The following KCNH5 variants were observed in gnomAD, a reference collection of about 807,000 sequenced individuals.
KCNH5 encodes the protein voltage-gated delayed rectifier potassium channel KCNH5.
A neutral mutation model predicts 96.1 loss-of-function variants in KCNH5; 46 were observed. The observed-to-expected ratio is 0.48, with a 90% CI of 0.38 to 0.61. The LOEUF (loss-of-function observed/expected upper bound fraction) is 0.61. Among genes scored for constraint, KCNH5 ranks in the 20% least tolerant of loss-of-function variants. The pLI is 0.00. For synonymous variants in KCNH5, 439 were observed against 449.8 expected (o/e 0.98, Z 0.30); for missense variants, 907 against 1,225.8 (o/e 0.74, Z 3.88).
intron 10 of KCNH5, among the ~76,000 whole-genome samples, chr14:62,730,860 A>G (rs66645197): frequency 0.12 from 18,997 of 152,232 alleles, 1,938 homozygotes; most frequent in East Asian, 0.29. Flanking sequence ...GTATTTAACT[A>G]CATTCCAAAC....
At chr14:62,824,654 T>C (rs747676858) in intron 8 of KCNH5, among the ~76,000 whole-genome samples, 1 of 152,136 alleles carries the variant, frequency 6.6e-6, no homozygotes, top group Non-Finnish European at 1.5e-5. Context: ...GGGGTACACA[T>C]GCTGTTTTAT....
At chr14:62,790,103 A>C (rs1398010015) in intron 9 of KCNH5, among the ~76,000 whole-genome samples, 3 of 147,318 alleles carry the variant, frequency 2.0e-5, no homozygotes, top group Non-Finnish European at 4.5e-5. Context: ...TAAGGTCCTA[A>C]TTTTATCCTT....
At chr14:62,773,399 C>T (rs1322885648) in intron 10 of KCNH5, among the ~76,000 whole-genome samples, 2 of 152,326 alleles carry the variant, frequency 1.3e-5, no homozygotes, top group East Asian at 3.9e-4. Flanking sequence ...GAATTCATCT[C>T]CTTTATGCCG....
At chr14:62,754,549 T>C (rs1251926214) in intron 10 of KCNH5, among the ~76,000 whole-genome samples, 1 of 151,104 alleles carries the variant, frequency 6.6e-6, no homozygotes, top group Non-Finnish European at 1.5e-5. Context: ...AAATAAGGGA[T>C]AGAAAATGGT....
At position 62,910,941 on chromosome 14, in the gene KCNH5, A is replaced by ACC. The variant is rs1555363115; in HGVS notation, c.1369+39190_1369+39191dup. Among the ~76,000 whole-genome samples, 642 of 140,828 alleles carry ACC rather than the reference A, an allele frequency of 4.6e-3. 6 individuals are homozygous for ACC. The highest frequency in any genetic ancestry group is 7.3e-3 in the South Asian group (31 of 4,238). 92.4% of individuals were successfully genotyped at this position (140,828 alleles called of 152,430 possible). On this transcript the variant is annotated intron_variant, in intron 7 of 10. Coordinates refer to ENST00000322893, the MANE Select transcript of KCNH5 (RefSeq NM_139318.5). ...CACACACACACACACACACACACACACCCCTCTGTTGTTCTGTCATCCTAT... is the reference window on the plus strand; with the variant it reads ...CACACACACACACACACACACACACACCCCCCTCTGTTGTTCTGTCATCCTAT...
At chr14:63,007,942 C>T (rs1891156744) in intron 2 of KCNH5, among the ~76,000 whole-genome samples, 1 of 152,128 alleles carries the variant, frequency 6.6e-6, no homozygotes, top group Admixed American at 6.5e-5. Context: ...ATCTAAATAA[C>T]AAAACTTGCC....
At chr14:62,981,637 C>T (rs1594657987) in intron 5 of KCNH5, among the ~76,000 whole-genome samples, 2 of 152,218 alleles carry the variant, frequency 1.3e-5, no homozygotes, top group Admixed American at 1.3e-4. Context: ...TCTTCATACA[C>T]ATTTAGCACC....
At chr14:63,016,799 A>C in intron 2 of KCNH5, 32 bp downstream of exon 2, 1 of 1,592,644 alleles carries the variant, frequency 6.3e-7, no homozygotes, top group South Asian at 1.1e-5. Context: ...GTTAAATTTC[A>C]GAAAAGATTA....
rs554051516 is a variant in KCNH5 at position 62,767,554 on chromosome 14, A to G, written c.2019+12174T>C. 5.9e-5 allele frequency among the ~76,000 whole-genome samples: 9 copies of G among 152,344 alleles called. No individual in the cohort carries two copies. The South Asian group carries it at 6.2e-4, about 11-fold the overall frequency. ...AGATACAGCAGGAGGCTATTGCCCT[A>G]AGTGAATTAACGCAGAAACAGAAAA... On this transcript the variant is annotated intron_variant, in intron 10 of 10. Coordinates refer to ENST00000322893, the MANE Select transcript of KCNH5 (RefSeq NM_139318.5).
chr14:62,735,101 A>T (rs1595599273), intron 10 of KCNH5, among the ~76,000 whole-genome samples: 1 of 152,172 alleles, frequency 6.6e-6, no homozygotes, highest in Admixed American at 6.5e-5. Context: ...GTTAGAGCTG[A>T]TGTACAATCC....
At chr14:62,753,928 T>C (rs1885560809) in intron 10 of KCNH5, among the ~76,000 whole-genome samples, 1 of 152,140 alleles carries the variant, frequency 6.6e-6, no homozygotes, top group Admixed American at 6.5e-5. Flanking sequence ...TAATAGTAAG[T>C]ACACAGAAAA....
intron 6 of KCNH5, among the ~76,000 whole-genome samples, chr14:62,979,920 C>T (rs1188243054): frequency 6.6e-6 from 1 of 152,138 alleles, no homozygotes; most frequent in Non-Finnish European, 1.5e-5. Flanking sequence ...CTCTGTGTCC[C>T]CACCCAAATC....
chr14:62,843,372 C>T (rs999469208), intron 8 of KCNH5, among the ~76,000 whole-genome samples: 1 of 143,322 alleles, frequency 7.0e-6, no homozygotes, highest in Non-Finnish European at 1.5e-5. Context: ...ACCAATTCAG[C>T]TTTATTTTAT....
intron 7 of KCNH5, among the ~76,000 whole-genome samples, chr14:62,875,982 G>C (rs1341768673): frequency 1.3e-5 from 2 of 152,138 alleles, no homozygotes; most frequent in Non-Finnish European, 2.9e-5. Context: ...GCCTGGCCAA[G>C]ATAGTGAAAC....
chr14:62,723,969 T>C (rs1334997192), intron 10 of KCNH5, among the ~76,000 whole-genome samples: 3 of 152,202 alleles, frequency 2.0e-5, no homozygotes, highest in South Asian at 2.1e-4. Context: ...TAACTTTCCA[T>C]AGAAGAAAAT....
At chr14:63,027,138 A>C (rs1891537704) in intron 1 of KCNH5, among the ~76,000 whole-genome samples, 1 of 139,130 alleles carries the variant, frequency 7.2e-6, no homozygotes, top group South Asian at 2.2e-4. Context: ...TGTGCAATGT[A>C]AAAAAAGTCA....
chr14:62,837,537 T>A (rs4899095), intron 8 of KCNH5, among the ~76,000 whole-genome samples: 19 of 152,276 alleles, frequency 1.2e-4, no homozygotes, highest in Non-Finnish European at 2.5e-4. Context: ...TTTTATTACA[T>A]AGTAAATAAG....
At chr14:62,974,349 C>T (rs1031730108) in intron 6 of KCNH5, among the ~76,000 whole-genome samples, 1 of 152,118 alleles carries the variant, frequency 6.6e-6, no homozygotes, top group Non-Finnish European at 1.5e-5. Flanking sequence ...GGCTCAACTC[C>T]CTCTAATCTC....
chr14:62,941,154 A>G (rs1566715839), intron 7 of KCNH5, among the ~76,000 whole-genome samples: 1 of 152,212 alleles, frequency 6.6e-6, no homozygotes, highest in East Asian at 1.9e-4. Context: ...TGAATGAATT[A>G]AATAATTTTG....
Sources: gnomAD v4.1 joint callset for allele counts (sites outside exome capture counted in the v4.1 genomes callset) on GRCh38, gnomAD v4.1.1 for gene constraint, MANE v1.5 for transcripts, NCBI Gene and HGNC (gene_info 2026-07-23, HGNC 2026-07-21) for gene names.